RASGRF1: variants seen among roughly 807,000 people sequenced by gnomAD.
RASGRF1 encodes ras-specific guanine nucleotide-releasing factor 1.
RASGRF1 carries 40 observed loss-of-function variants against 138.7 expected under a neutral mutation model. The observed-to-expected ratio is 0.29, with a 90% CI of 0.22 to 0.38. The LOEUF (loss-of-function observed/expected upper bound fraction) is 0.38. Ranked by LOEUF, RASGRF1 falls within the 10% of genes least tolerant of loss-of-function variation. The probability of loss-of-function intolerance (pLI) is 1.00; values close to 1 mark genes in which losing one functional copy is unlikely to be tolerated. For missense variants in RASGRF1, 1,108 were observed against 1,650.4 expected (o/e 0.67, Z 5.69); for synonymous variants, 614 against 663.2 (o/e 0.93, Z 1.14).
At position 78,973,487 on chromosome 15, in the gene RASGRF1, C is replaced by T. The variant is rs2055812737; in HGVS notation, c.3495-67G>A. 2 of 1,193,558 alleles carry T rather than the reference C, an allele frequency of 1.7e-6. No homozygotes were observed. Among genetic ancestry groups the T allele is most frequent in the Non-Finnish European group, 2.5e-6 (2 of 814,258 alleles). 73.9% of individuals were successfully genotyped at this position (1,193,558 alleles called of 1,614,324 possible). On this transcript the variant is annotated intron_variant, in intron 24 of 26. Coordinates refer to ENST00000558480, the MANE Select transcript of RASGRF1 (RefSeq NM_001145648.3). The surrounding 1 kb of genome is among the most constrained non-coding windows in gnomAD (Gnocchi z 4.9). ...AAAGTAACGTCTACCAAGAACAGAA[C>T]ATCCCGCATGCACCTTTTGCTTTGC...
In RASGRF1 at chr15:79,027,793, G is replaced by A. The variant is rs767804241; in HGVS notation, c.1329C>T (p.Ile443=). 1.6e-5 allele frequency: 26 copies of A among 1,614,240 alleles called. 1 individual carries two copies. The Middle Eastern group carries it at 3.1e-3, about 195-fold the overall frequency. ...CCAGGAGGATCTCACAGCCTTCGAT[G>A]ATCATGCGCTCGATGGCCAGGTTTT... The part of the protein sequence containing the change: ...IRKNLAIERM[I]IEGCEILLDT... Residue 443 remains isoleucine (I), a synonymous_variant, in exon 9 of 27, where the codon ATC becomes ATT. Coordinates refer to ENST00000558480, the MANE Select transcript of RASGRF1 (RefSeq NM_001145648.3). The surrounding 1 kb of genome is among the most constrained non-coding windows in gnomAD (Gnocchi z 4.8).
chr15:79,025,420 AG>A lies in RASGRF1; in HGVS notation c.1435del (p.Leu479TrpfsTer6). On this transcript the variant is annotated frameshift_variant, in exon 10 of 27. Transcript: ENST00000558480. LOFTEE classifies it high-confidence loss of function. ...CTCTTTCTTTAGGGAGAGAGACCCC[AG>A]GCGCCCCCTGGTGATCTTGCCCTTT... ...SEKGKITRGR[L>X]GSLSLKKEGE... 1 of 1,613,818 alleles carries A rather than the reference AG, an allele frequency of 6.2e-7. No homozygotes were observed.
chr15:79,056,047 G>A (rs1430700680), intron 3 of RASGRF1, among the ~76,000 whole-genome samples: 6 of 152,180 alleles, frequency 3.9e-5, no homozygotes, highest in Admixed American at 3.9e-4. Flanking sequence ...GCAGACAGCA[G>A]GGAGCACCCT....
At chr15:78,974,212 G>A (rs976224128) in intron 24 of RASGRF1, among the ~76,000 whole-genome samples, 27 of 152,272 alleles carry the variant, frequency 1.8e-4, no homozygotes, top group African/African-American at 6.3e-4. Flanking sequence ...GATGGAGCCC[G>A]GCGGTCGTTA....
At chr15:79,078,321 G>T (rs573169979) in intron 1 of RASGRF1, among the ~76,000 whole-genome samples, 9 of 152,086 alleles carry the variant, frequency 5.9e-5, no homozygotes, top group Admixed American at 5.2e-4. Context: ...ACCCTTGCAG[G>T]CCACCCCAAG....
In RASGRF1 at chr15:79,090,481, C is replaced by T. The variant is rs2058041082; in HGVS notation, c.18G>A (p.Arg6=). MQKGI[R]LNDGHVASLG... The stretch of plus-strand genomic sequence containing the variant: ...GGGACGCGACGTGGCCATCATTCAG[C>T]CGGATCCCCTTCTGCATGGTGCTCA... Residue 6 remains arginine (R), a synonymous_variant, in exon 1 of 27, where the codon CGG becomes CGA. Transcript: ENST00000558480. 6.2e-7 allele frequency: 1 copy of T among 1,612,496 alleles called. No individual in the cohort carries two copies. Among genetic ancestry groups the T allele is most frequent in the Non-Finnish European group, 8.5e-7 (1 of 1,179,940 alleles).
At chr15:79,012,450 C>CTG (rs777407014) in intron 13 of RASGRF1, 16 of 1,362,232 alleles carry the variant, frequency 1.2e-5, no homozygotes, top group Non-Finnish European at 1.6e-5. Flanking sequence ...CTCTCTCTCT[C>CTG]TCACTAAACG....
chr15:79,019,105 A>C (rs2056922714), intron 11 of RASGRF1, among the ~76,000 whole-genome samples: 1 of 151,928 alleles, frequency 6.6e-6, no homozygotes, highest in Admixed American at 6.6e-5. Context: ...TGTGTGTGGC[A>C]ACCCCCAGGC....
intron 1 of RASGRF1, among the ~76,000 whole-genome samples, chr15:79,080,017 G>C (rs1427525601): frequency 6.6e-6 from 1 of 152,216 alleles, no homozygotes; most frequent in Non-Finnish European, 1.5e-5. Flanking sequence ...TACTGGCGGT[G>C]CCTCTGCCCT....
chr15:79,017,937 A>G, intron 11 of RASGRF1, 31 bp from the exon 12 acceptor site: 1 of 1,610,308 alleles, frequency 6.2e-7, no homozygotes, highest in South Asian at 1.1e-5. Flanking sequence ...AGTTAGCAGC[A>G]TGAATGTGGA....
intron 3 of RASGRF1, among the ~76,000 whole-genome samples, chr15:79,051,291 C>T (rs1472452549): frequency 1.3e-5 from 2 of 152,176 alleles, no homozygotes; most frequent in Admixed American, 6.5e-5. Flanking sequence ...CTAAAATTAC[C>T]GCAGCCTGTG....
At chr15:78,997,304 A>G (rs1411124017) in intron 19 of RASGRF1, among the ~76,000 whole-genome samples, 2 of 152,244 alleles carry the variant, frequency 1.3e-5, no homozygotes, top group Non-Finnish European at 2.9e-5. Flanking sequence ...AGATCTCTGC[A>G]GTGATGGCAG....
At chr15:79,081,427 C>A (rs552087060) in intron 1 of RASGRF1, among the ~76,000 whole-genome samples, 1 of 152,220 alleles carries the variant, frequency 6.6e-6, no homozygotes, top group Admixed American at 6.5e-5. Context: ...TTCATTCACA[C>A]TCTGGTGATC....
At chr15:79,068,706 G>A (rs926264125) in intron 1 of RASGRF1, among the ~76,000 whole-genome samples, 1 of 151,900 alleles carries the variant, frequency 6.6e-6, no homozygotes, top group African/African-American at 2.4e-5. Context: ...TGTGTTTTGG[G>A]TCTTTCCCTG....
At chr15:79,034,248 T>C (rs2057186696) in intron 6 of RASGRF1, among the ~76,000 whole-genome samples, 1 of 151,786 alleles carries the variant, frequency 6.6e-6, no homozygotes, top group Admixed American at 6.6e-5. Context: ...ATCATGGAGA[T>C]GACACCAACA....
chr15:78,988,814 CAT>C (rs2056212875), intron 22 of RASGRF1, among the ~76,000 whole-genome samples: 1 of 147,796 alleles, frequency 6.8e-6, no homozygotes, highest in Non-Finnish European at 1.5e-5. Flanking sequence ...AACTTGCACA[CAT>C]GTGGGGAAGT....
chr15:79,069,850 A>G (rs1474840037), intron 1 of RASGRF1, among the ~76,000 whole-genome samples: 1 of 152,200 alleles, frequency 6.6e-6, no homozygotes, highest in South Asian at 2.1e-4. Context: ...ATTCACAGAC[A>G]TTATAATTAT....
chr15:78,997,109 G>A (rs2056411256), intron 19 of RASGRF1, among the ~76,000 whole-genome samples: 1 of 152,358 alleles, frequency 6.6e-6, no homozygotes, highest in Admixed American at 6.5e-5. Context: ...TTATGGATGA[G>A]GCTCAGAGCG....
At chr15:78,983,161 C>T (rs949730143) in intron 23 of RASGRF1, among the ~76,000 whole-genome samples, 4 of 152,196 alleles carry the variant, frequency 2.6e-5, no homozygotes, top group East Asian at 1.9e-4. Context: ...TGGCAGATGC[C>T]GAGCAGGCCA....
Sources: allele counts gnomAD v4.1 joint callset (sites outside exome capture counted in the v4.1 genomes callset), GRCh38; gene constraint gnomAD v4.1.1; non-coding constraint Gnocchi (gnomAD v3.1); transcripts MANE v1.5; gene names NCBI Gene and HGNC (gene_info 2026-07-23, HGNC 2026-07-21).